A4GALT: variants seen among roughly 807,000 people sequenced by gnomAD.
The protein encoded by A4GALT is lactosylceramide 4-alpha-galactosyltransferase.
For synonymous variants in A4GALT, 257 were observed against 220.7 expected, an observed-to-expected ratio of 1.16 and a Z score of -1.46; for missense variants, 512 against 486.0, an observed-to-expected ratio of 1.05 and a Z score of -0.50.
rs546532774 is a variant in A4GALT, at chr22:42,692,886, C to T, written c.*4G>A. On this transcript the variant is annotated 3_prime_UTR_variant, in exon 3 of 3. Coordinates refer to ENST00000642412, the MANE Select transcript of A4GALT (RefSeq NM_017436.7). The surrounding 1 kb of genome is among the most constrained non-coding windows in gnomAD (Gnocchi z 4.6). ...CAGGTTGGGGAGGTGACCTGGCGGG[C>T]CCCTCACAAGTACATTTTCATGGCC... 5.0e-5 allele frequency: 80 copies of T among 1,600,062 alleles called. No individual in the cohort carries two copies. In the South Asian group the frequency reaches 8.5e-4, roughly 17 times the overall value.
chr22:42,695,082 C>T (rs969644724), intron 2 of A4GALT: 2 of 152,258 alleles, frequency 1.3e-5, no homozygotes, highest in East Asian at 1.9e-4. Context: ...ACTGCACCGC[C>T]CTGCCTGGGA....
chr22:42,702,924 G>A (rs1348128845), intron 1 of A4GALT, among the ~76,000 whole-genome samples: 1 of 146,222 alleles, frequency 6.8e-6, no homozygotes, highest in Non-Finnish European at 1.5e-5. Context: ...CCCGGTCCCT[G>A]CTCCCCTGTT....
chr22:42,698,839 G>A (rs934916740), intron 1 of A4GALT, among the ~76,000 whole-genome samples: 4 of 152,136 alleles, frequency 2.6e-5, no homozygotes, highest in Admixed American at 2.0e-4. Flanking sequence ...CAGTAGAGAA[G>A]CCGGCCAAAA....
At chr22:42,712,310 C>G (rs1921768275) in intron 1 of A4GALT, among the ~76,000 whole-genome samples, 1 of 152,184 alleles carries the variant, frequency 6.6e-6, no homozygotes, top group Non-Finnish European at 1.5e-5. Context: ...GACCTTGAAT[C>G]TGGGCTCTTA....
chr22:42,694,423 G>T (rs886927536), intron 2 of A4GALT: 2 of 193,564 alleles, frequency 1.0e-5, no homozygotes, highest in Admixed American at 1.1e-4. Context: ...CATAAACCAG[G>T]CCTGGGGTTC....
In A4GALT at chr22:42,703,089, G is replaced by C. The variant is rs964580567; in HGVS notation, c.-187-7458C>G. ...TGTGTGTGTGTGTGTGTGTGTGAGA[G>C]AGAGCATGCTGCCCCACTGTGTGTG... is the stretch of plus-strand genomic sequence containing the variant. On this transcript the variant is annotated intron_variant, in intron 1 of 2. Coordinates refer to ENST00000642412, the MANE Select transcript of A4GALT (RefSeq NM_017436.7). Among the ~76,000 whole-genome samples the C allele has an allele frequency of 2.4e-5, 3 of 124,980 alleles. No homozygotes were observed. In the South Asian group the frequency reaches 6.8e-4, roughly 28 times the overall value. 82.0% of individuals were successfully genotyped at this position (124,980 alleles called of 152,430 possible). A position where few individuals can be genotyped will look rare whatever the true frequency, so the allele number is the denominator to read the frequency against.
At chr22:42,714,846 G>A (rs1195459507) in intron 1 of A4GALT, among the ~76,000 whole-genome samples, 2 of 152,112 alleles carry the variant, frequency 1.3e-5, no homozygotes, top group African/African-American at 4.8e-5. Flanking sequence ...GATGGGCTGC[G>A]GGGCAGGGGC....
At chr22:42,709,067 A>ATATTTTTTTT (rs1180529043) in intron 1 of A4GALT, among the ~76,000 whole-genome samples, 1 of 128,804 alleles carries the variant, frequency 7.8e-6, no homozygotes, top group Non-Finnish European at 1.7e-5. Context: ...ATATATATAT[A>ATATTTTTTTT]TTTTTTTTAA....
At chr22:42,719,356 G>C (rs2147057719) in intron 1 of A4GALT, among the ~76,000 whole-genome samples, 1 of 152,250 alleles carries the variant, frequency 6.6e-6, no homozygotes, top group East Asian at 1.9e-4. Flanking sequence ...TCAGCCACTA[G>C]GGAAGCTGGG....
intron 1 of A4GALT, among the ~76,000 whole-genome samples, chr22:42,703,049 C>G (rs5758876): frequency 0.38 from 53,733 of 143,136 alleles, 11,550 homozygotes; most frequent in South Asian, 0.42. Flanking sequence ...CTGGCACATG[C>G]TGCCCTGCTG....
chr22:42,699,798 G>A (rs1371586156), intron 1 of A4GALT, among the ~76,000 whole-genome samples: 1 of 152,180 alleles, frequency 6.6e-6, no homozygotes, highest in African/African-American at 2.4e-5. Context: ...CCAATTAAAC[G>A]TTACTCCTGG....
chr22:42,717,591 G>A (rs1200614466), intron 1 of A4GALT, among the ~76,000 whole-genome samples: 1 of 152,090 alleles, frequency 6.6e-6, no homozygotes, highest in Non-Finnish European at 1.5e-5. Flanking sequence ...CTATCAACCT[G>A]TCCCTCCTTC....
Position 42,693,634 on chromosome 22 carries a change from G to T in A4GALT, c.318C>A (p.Pro106=), listed in dbSNP as rs777705565. Residue 106 remains proline (P), a synonymous_variant, in exon 3 of 3, where the codon CCC becomes CCA. Transcript: ENST00000642412. Reference sequence around the variant, plus strand: ...TCATCAGGACCAGCACGTGGGATTCGGGGTGAGTTCTGGCGGCCGACTCCA... The same window carrying T: ...TCATCAGGACCAGCACGTGGGATTCTGGGTGAGTTCTGGCGGCCGACTCCA... ...CSVESAARTH[P]ESHVLVLMKG... is the part of the protein sequence containing the mutation. The T allele has an allele frequency of 6.2e-7, 1 of 1,613,666 alleles. No individual in the cohort carries two copies. Among genetic ancestry groups the T allele is most frequent in the Non-Finnish European group, 8.5e-7 (1 of 1,179,990 alleles).
chr22:42,709,067 A>ATATATATATATTTTTTT (rs1180529043), intron 1 of A4GALT, among the ~76,000 whole-genome samples: 3,840 of 128,122 alleles, frequency 0.03, 93 homozygotes, highest in Middle Eastern at 0.059. Context: ...ATATATATAT[A>ATATATATATATTTTTTT]TTTTTTTTAA....
rs983578036 is a variant in A4GALT at position 42,692,362 on chromosome 22, C to CCA, written c.*526_*527dup. The CCA allele has an allele frequency of 2.0e-5, 6 of 301,894 alleles. No homozygotes were observed. The highest frequency in any genetic ancestry group is 1.3e-4 in the African/African-American group (6 of 45,978). 18.7% of individuals were successfully genotyped at this position (301,894 alleles called of 1,614,324 possible). On this transcript the variant is annotated 3_prime_UTR_variant, in exon 3 of 3. Coordinates refer to ENST00000642412, the MANE Select transcript of A4GALT (RefSeq NM_017436.7). The surrounding 1 kb of genome is among the most constrained non-coding windows in gnomAD (Gnocchi z 4.6). ...AGGCTGGCACTTCTGGGCCTCTGCC[C>CCA]CACTCAGTCCCTGTTGACCTCCCCC...
chr22:42,717,101 G>A (rs554517946), intron 1 of A4GALT, among the ~76,000 whole-genome samples: 39 of 152,234 alleles, frequency 2.6e-4, no homozygotes, highest in South Asian at 1.2e-3. Context: ...AGGGAAGGGG[G>A]CTCCCCTAGT....
At chr22:42,701,946 A>G (rs572495767) in intron 1 of A4GALT, among the ~76,000 whole-genome samples, 16 of 152,316 alleles carry the variant, frequency 1.1e-4, no homozygotes, top group Non-Finnish European at 2.4e-4. Flanking sequence ...AGAGGAAAGG[A>G]TAGCCCAGAA....
chr22:42,719,500 CTTCCT>C (rs368514441), intron 1 of A4GALT, among the ~76,000 whole-genome samples: 56 of 121,250 alleles, frequency 4.6e-4, no homozygotes, highest in African/African-American at 1.2e-3. Context: ...CATCTCTCCT[CTTCCT>C]TTCTTTTCCT....
intron 1 of A4GALT, among the ~76,000 whole-genome samples, chr22:42,701,154 C>G (rs916310411): frequency 2.6e-5 from 4 of 152,226 alleles, no homozygotes; most frequent in African/African-American, 9.6e-5. Context: ...CGTTGCCTCA[C>G]GGCTTCCTTC....
Sources: allele counts gnomAD v4.1 joint callset (sites outside exome capture counted in the v4.1 genomes callset), GRCh38; gene constraint gnomAD v4.1.1; non-coding constraint Gnocchi (gnomAD v3.1); transcripts MANE v1.5; gene names NCBI Gene and HGNC (gene_info 2026-07-23, HGNC 2026-07-21).